Variants in ALK observed in about 807,000 individuals in gnomAD.
The protein encoded by ALK is ALK tyrosine kinase receptor.
ALK carries 74 observed loss-of-function variants against 163.1 expected under a neutral mutation model. The ratio of observed to expected loss-of-function variants is 0.45; its 90% confidence interval spans 0.38 to 0.55. The LOEUF is 0.55. ALK is among the 20% of genes least tolerant of loss of function. The pLI, the probability that ALK is intolerant of heterozygous loss-of-function variation, is 0.00. For synonymous variants in ALK, 960 were observed against 843.2 expected (o/e 1.14, Z -2.40); for missense variants, 2,063 against 2,105.3 (o/e 0.98, Z 0.39).
chr2:29,192,968 C>G lies in ALK; in HGVS notation c.*256G>C, dbSNP rs1668908379. The G allele has an allele frequency of 5.8e-6, 3 of 513,212 alleles. No homozygotes were observed. The highest frequency in any genetic ancestry group is 1.1e-5 in the Non-Finnish European group (3 of 283,494). 31.8% of individuals were successfully genotyped at this position (513,212 alleles called of 1,614,324 possible). On this transcript the variant is annotated 3_prime_UTR_variant, in exon 29 of 29. Transcript: ENST00000389048. ...GTATACAACAAACATGCATAAAAACCTTATGCAACCACATCTGGGCCTTGT... is the reference window on the plus strand; with the variant it reads ...GTATACAACAAACATGCATAAAAACGTTATGCAACCACATCTGGGCCTTGT...
rs1408956474 is a variant in ALK at position 29,920,573 on chromosome 2, C to G, written c.87G>C (p.Ala29=). Residue 29 remains alanine, a synonymous_variant, in exon 1 of 29, where the codon GCG becomes GCC. Coordinates refer to ENST00000389048, the MANE Select transcript of ALK (RefSeq NM_004304.5). Reference sequence around the variant, plus strand: ...GCGGCGGCCCCGCAGCTGGGGAGCCCGCGCGCTGGCCGGTCCCCATCCCGG... The same window carrying G: ...GCGGCGGCCCCGCAGCTGGGGAGCCGGCGCGCTGGCCGGTCCCCATCCCGG... ...VGSGMGTGQR[A]GSPAAGPPLQ... The G allele has an allele frequency of 1.3e-6, 2 of 1,587,606 alleles. No homozygotes were observed. Among genetic ancestry groups the G allele is most frequent in the Non-Finnish European group, 1.7e-6 (2 of 1,171,150 alleles).
chr2:29,820,395 T>C (rs1341119586), intron 1 of ALK, among the ~76,000 whole-genome samples: 1 of 152,166 alleles, frequency 6.6e-6, no homozygotes. Flanking sequence ...GAAAAGACCC[T>C]GAGCCAGAAC....
At chr2:29,525,084 G>C (rs898287254) in intron 4 of ALK, among the ~76,000 whole-genome samples, 1 of 152,208 alleles carries the variant, frequency 6.6e-6, no homozygotes, top group Admixed American at 6.5e-5. Context: ...GGAAGCCATA[G>C]TCCTTCTAGA....
At chr2:29,471,776 T>C (rs114896553) in intron 4 of ALK, among the ~76,000 whole-genome samples, 1,587 of 152,060 alleles carry the variant, frequency 0.01, 35 homozygotes, top group African/African-American at 0.035. Flanking sequence ...TCATTCACTC[T>C]TGTTGCCCAG....
At chr2:29,376,363 C>G (rs1668752729) in intron 5 of ALK, among the ~76,000 whole-genome samples, 1 of 152,198 alleles carries the variant, frequency 6.6e-6, no homozygotes, top group African/African-American at 2.4e-5. Context: ...TGCACAAACC[C>G]TTACAACCCT....
At chr2:29,671,965 G>A (rs992107025) in intron 3 of ALK, among the ~76,000 whole-genome samples, 5 of 151,346 alleles carry the variant, frequency 3.3e-5, no homozygotes, top group African/African-American at 1.2e-4. Context: ...ATACAAAAAT[G>A]TATTCTCCTC....
At position 29,625,727 on chromosome 2, in the gene ALK, A is replaced by G. The variant is rs74617800; in HGVS notation, c.952+69123T>C. 5.9e-5 allele frequency among the ~76,000 whole-genome samples: 9 copies of G among 152,322 alleles called. No homozygotes were observed. In the East Asian group the frequency reaches 1.7e-3, roughly 29 times the overall value. Reference sequence around the variant, plus strand: ...GTGAATCCACTTTTTCCAGCTGTTAATCCCATGCTTGCTGCCCTCACTTAC... The same window carrying G: ...GTGAATCCACTTTTTCCAGCTGTTAGTCCCATGCTTGCTGCCCTCACTTAC... On this transcript the variant is annotated intron_variant, in intron 3 of 28. Transcript: ENST00000389048.
chr2:29,399,676 G>A (rs1669395601), intron 4 of ALK, among the ~76,000 whole-genome samples: 2 of 152,198 alleles, frequency 1.3e-5, no homozygotes, highest in Admixed American at 6.5e-5. Context: ...CCTGCTGTGT[G>A]TGCCTGTGGA....
chr2:29,221,095 C>G (rs1343446278), intron 22 of ALK: 1 of 613,234 alleles, frequency 1.6e-6, no homozygotes. Context: ...TGCTCAGGCA[C>G]TTGGGTGAGG....
At chr2:29,896,116 T>C (rs905810042) in intron 1 of ALK, among the ~76,000 whole-genome samples, 1 of 152,114 alleles carries the variant, frequency 6.6e-6, no homozygotes, top group African/African-American at 2.4e-5. Flanking sequence ...CAAAAAGAGC[T>C]CCTACAAGGC....
chr2:29,528,985 C>A (rs868850594), intron 4 of ALK, among the ~76,000 whole-genome samples: 1 of 152,210 alleles, frequency 6.6e-6, no homozygotes, highest in Non-Finnish European at 1.5e-5. Context: ...CCTTGGCCAA[C>A]GTGGCCACTC....
At chr2:29,683,210 C>T (rs916269815) in intron 3 of ALK, among the ~76,000 whole-genome samples, 1 of 151,922 alleles carries the variant, frequency 6.6e-6, no homozygotes, top group Non-Finnish European at 1.5e-5. Flanking sequence ...AACCCCGTCT[C>T]TAATAAAAAT....
chr2:29,747,737 T>C (rs1435841215), intron 1 of ALK, among the ~76,000 whole-genome samples: 1 of 152,234 alleles, frequency 6.6e-6, no homozygotes, highest in Non-Finnish European at 1.5e-5. Context: ...TAATTTCTTG[T>C]GGGTTCCTAG....
intron 5 of ALK, among the ~76,000 whole-genome samples, chr2:29,375,690 T>C (rs1028548825): frequency 3.9e-5 from 6 of 152,168 alleles, no homozygotes; most frequent in Admixed American, 2.0e-4. Flanking sequence ...AAATCTTTAA[T>C]GATTTGAAGT....
chr2:29,887,555 A>G (rs1667016252), intron 1 of ALK, among the ~76,000 whole-genome samples: 2 of 152,158 alleles, frequency 1.3e-5, no homozygotes, highest in African/African-American at 4.8e-5. Context: ...TCACCTCTCA[A>G]TGAGAGAGGA....
rs566820271 is a variant in ALK, at chr2:29,727,843, T to G, written c.668-10146A>C. 7.4e-5 allele frequency among the ~76,000 whole-genome samples: 11 copies of G among 149,496 alleles called. No individual in the cohort carries two copies. In the South Asian group the frequency reaches 2.3e-3, roughly 31 times the overall value. On this transcript the variant is annotated intron_variant, in intron 1 of 28. Transcript: ENST00000389048. ...GTGATCAATGTTACCCTTGGCCTCA[T>G]GCAGAGACTCAGAGTGGGGGAGCTG...
chr2:29,429,973 TA>T (rs1427006484), intron 4 of ALK, among the ~76,000 whole-genome samples: 3 of 152,026 alleles, frequency 2.0e-5, no homozygotes, highest in African/African-American at 4.8e-5. Flanking sequence ...GAATAGTCTA[TA>T]AAAAAATTTT....
At chr2:29,490,850 G>A (rs1162375418) in intron 4 of ALK, among the ~76,000 whole-genome samples, 1 of 152,194 alleles carries the variant, frequency 6.6e-6, no homozygotes, top group Non-Finnish European at 1.5e-5. Flanking sequence ...TAATTTTGAT[G>A]TAGTGATGAG....
At chr2:29,443,672 T>C (rs760233811) in intron 4 of ALK, among the ~76,000 whole-genome samples, 66 of 152,182 alleles carry the variant, frequency 4.3e-4, no homozygotes, top group Non-Finnish European at 6.0e-4. Context: ...GCTAGTCTCC[T>C]GAAATTAACC....
Sources: gnomAD v4.1 joint callset for allele counts (sites outside exome capture counted in the v4.1 genomes callset) on GRCh38, gnomAD v4.1.1 for gene constraint, MANE v1.5 for transcripts, NCBI Gene and HGNC (gene_info 2026-07-23, HGNC 2026-07-21) for gene names.